The following GNB1L variants were observed in gnomAD, a reference collection of about 807,000 sequenced individuals.
GNB1L encodes the protein guanine nucleotide-binding protein subunit beta-like protein 1.
GNB1L carries 20 observed loss-of-function variants against 29.1 expected under a neutral mutation model. That is an observed-to-expected ratio of 0.69 (90% CI 0.48 to 1.00). GNB1L has a LOEUF of 1.00. Ranked by LOEUF, GNB1L falls within the 50% of genes least tolerant of loss-of-function variation. The pLI is 0.00. For synonymous variants in GNB1L, 193 were observed against 206.5 expected, an observed-to-expected ratio of 0.93 and a Z score of 0.56; for missense variants, 421 against 464.9, an observed-to-expected ratio of 0.91 and a Z score of 0.87.
chr22:19,788,755 G>C lies in GNB1L; in HGVS notation c.938C>G (p.Ser313Cys). 6.2e-7 allele frequency: 1 copy of C among 1,611,716 alleles called. No homozygotes were observed. The highest frequency in any genetic ancestry group is 2.2e-5 in the East Asian group (1 of 44,836). ...CCAGAGGCTGATCCGCTGATCCTTG[G>C]AGCCCGCGGCCAGCAAGCCATCGGC... ...FTADGLLAAGSKDQRISLWSL... is the reference protein window; with the variant it reads ...FTADGLLAAGCKDQRISLWSL... The change falls in exon 8 of 8, where the codon TCC becomes TGC. Residue 313 changes from serine (S) to cysteine (C), a missense_variant. Transcript: ENST00000329517.
Position 19,844,558 on chromosome 22 carries a change from C to T in GNB1L, c.-21+9885G>A, listed in dbSNP as rs1207343434. Among the ~76,000 whole-genome samples, 8 of 152,226 alleles carry T rather than the reference C, an allele frequency of 5.3e-5. No individual in the cohort carries two copies. The South Asian group carries it at 1.2e-3, about 24-fold the overall frequency. ...CTCCTTTGCACTGGGACACGGGCTG[C>T]CTCAGCTGAGCCAAGAGGAAATGCC... On this transcript the variant is annotated intron_variant, in intron 2 of 7. Transcript: ENST00000329517.
intron 2 of GNB1L, among the ~76,000 whole-genome samples, chr22:19,823,093 G>A (rs543987723): frequency 1.6e-4 from 25 of 152,266 alleles, no homozygotes; most frequent in African/African-American, 3.6e-4. Flanking sequence ...GAGAGACCTC[G>A]GGCAGCCACT....
intron 7 of GNB1L, among the ~76,000 whole-genome samples, chr22:19,796,655 T>G (rs1365082733): frequency 6.6e-6 from 1 of 151,044 alleles, no homozygotes; most frequent in African/African-American, 2.4e-5. Context: ...GGGGAAAAAA[T>G]AATAAAAATG....
intron 2 of GNB1L, among the ~76,000 whole-genome samples, chr22:19,827,389 C>G (rs1327101063): frequency 1.3e-5 from 2 of 152,166 alleles, no homozygotes; most frequent in African/African-American, 4.8e-5. Flanking sequence ...TATTTTACTA[C>G]ACTTGCAGCT....
chr22:19,838,651 G>A (rs1937806550), intron 2 of GNB1L, among the ~76,000 whole-genome samples: 1 of 151,950 alleles, frequency 6.6e-6, no homozygotes, highest in East Asian at 1.9e-4. Flanking sequence ...TGTAGAGACA[G>A]GGTTTCACCA....
At chr22:19,815,841 T>C (rs1053921960) in intron 4 of GNB1L, among the ~76,000 whole-genome samples, 2 of 152,200 alleles carry the variant, frequency 1.3e-5, no homozygotes, top group Non-Finnish European at 2.9e-5. Flanking sequence ...CCCTAAGTGC[T>C]GGGATTACAG....
intron 2 of GNB1L, among the ~76,000 whole-genome samples, chr22:19,828,757 G>A (rs1937641369): frequency 6.6e-6 from 1 of 151,324 alleles, no homozygotes; most frequent in East Asian, 1.9e-4. Flanking sequence ...CACCTCTATA[G>A]AGCAGAAACG....
Position 19,786,380 on chromosome 22 carries a change from G to C in GNB1L, c.*2329C>G, listed in dbSNP as rs1350527199. 6.6e-6 allele frequency: 1 copy of C among 152,250 alleles called. No individual in the cohort carries two copies. The highest frequency in any genetic ancestry group is 2.4e-5 in the African/African-American group (1 of 41,460). The allele number at this position is 152,250 out of a possible 1,614,324, so 9.4% of individuals were successfully genotyped here. On this transcript the variant is annotated 3_prime_UTR_variant, in exon 8 of 8. Coordinates refer to ENST00000329517, the MANE Select transcript of GNB1L (RefSeq NM_053004.3). ...TGTGCCTTTGACTGAAAGCACGAGG[G>C]CCAGGGGCCAACTCAGGGTCTGTAC...
chr22:19,806,135 G>C (rs540862973), intron 6 of GNB1L, among the ~76,000 whole-genome samples: 2 of 152,220 alleles, frequency 1.3e-5, no homozygotes, highest in Non-Finnish European at 2.9e-5. Flanking sequence ...AAGAACAGTT[G>C]AGAAGGAAGG....
intron 2 of GNB1L, chr22:19,848,645 T>C (rs1441453603): frequency 2.0e-6 from 2 of 985,288 alleles, no homozygotes; most frequent in South Asian, 9.4e-5. Flanking sequence ...AAAAACCAGG[T>C]CACCTGGACT....
At chr22:19,849,579 C>G (rs2084826201) in intron 2 of GNB1L, 1 of 521,422 alleles carries the variant, frequency 1.9e-6, no homozygotes, top group Non-Finnish European at 2.5e-6. Context: ...GCTGGTCAGG[C>G]TGGTCTTGAA....
Position 19,783,626 on chromosome 22 carries a change from C to T in GNB1L, c.*5083G>A, listed in dbSNP as rs924728764. ...GCTTATGAGCACCTCCTACTAATTT[C>T]CTCAGCTTAGCACACCCTGTGGCCG... On this transcript the variant is annotated 3_prime_UTR_variant, in exon 8 of 8. Transcript: ENST00000329517. The T allele has an allele frequency of 5.9e-6, 1 of 169,754 alleles. No individual in the cohort carries two copies. Among genetic ancestry groups the T allele is most frequent in the African/African-American group, 2.4e-5 (1 of 41,648 alleles). The allele number at this position is 169,754 out of a possible 1,614,324, so 10.5% of individuals were successfully genotyped here.
At chr22:19,821,971 T>C (rs937761689) in intron 2 of GNB1L, among the ~76,000 whole-genome samples, 1 of 152,128 alleles carries the variant, frequency 6.6e-6, no homozygotes, top group Non-Finnish European at 1.5e-5. Flanking sequence ...AAATCCAGTC[T>C]CCCTTCTTCT....
At chr22:19,827,126 A>T (rs1280100950) in intron 2 of GNB1L, among the ~76,000 whole-genome samples, 8 of 152,192 alleles carry the variant, frequency 5.3e-5, no homozygotes. Context: ...TGGACTACAG[A>T]TAATGGGGTG....
intron 2 of GNB1L, among the ~76,000 whole-genome samples, chr22:19,843,724 G>A (rs73148938): frequency 0.029 from 4,348 of 152,312 alleles, 89 homozygotes; most frequent in Non-Finnish European, 0.045. Context: ...GCACTGGTAA[G>A]CTGGCAAATC....
chr22:19,823,792 C>A (rs1157615138), intron 2 of GNB1L, among the ~76,000 whole-genome samples: 2 of 152,172 alleles, frequency 1.3e-5, no homozygotes, highest in Non-Finnish European at 2.9e-5. Flanking sequence ...TGTTCACACA[C>A]CCATATGTGC....
intron 7 of GNB1L, among the ~76,000 whole-genome samples, chr22:19,799,336 G>A (rs1345630160): frequency 2.6e-5 from 4 of 152,196 alleles, no homozygotes; most frequent in East Asian, 3.8e-4. Flanking sequence ...CGGGAAAGCC[G>A]CCTCAGCAAG....
rs910086585 is a variant in GNB1L at position 19,848,209 on chromosome 22, A to G, written c.-21+6234T>C. ...CACCCATCATGTCCTATCTTCAGGA[A>G]ATAAAATCTCTGGGTATTTCCAAGG... On this transcript the variant is annotated intron_variant, in intron 2 of 7. Coordinates refer to ENST00000329517, the MANE Select transcript of GNB1L (RefSeq NM_053004.3). The G allele has an allele frequency of 3.0e-6, 3 of 985,314 alleles. No individual in the cohort carries two copies. The African/African-American group carries it at 5.2e-5, about 17-fold the overall frequency. The allele number at this position is 985,314 out of a possible 1,614,324, so 61.0% of individuals were successfully genotyped here.
chr22:19,833,062 C>T (rs1179970953), intron 2 of GNB1L, among the ~76,000 whole-genome samples: 1 of 152,238 alleles, frequency 6.6e-6, no homozygotes, highest in Non-Finnish European at 1.5e-5. Context: ...CCAAACTCAG[C>T]TCTCTCTGGA....
Sources: allele counts gnomAD v4.1 joint callset (sites outside exome capture counted in the v4.1 genomes callset), GRCh38; gene constraint gnomAD v4.1.1; transcripts MANE v1.5; gene names NCBI Gene and HGNC (gene_info 2026-07-23, HGNC 2026-07-21).